The following FHIT variants were observed in gnomAD, a reference collection of about 807,000 sequenced individuals.
FHIT encodes the protein fragile histidine triad diadenosine triphosphatase, also known as bis(5'-adenosyl)-triphosphatase.
In FHIT, 19 loss-of-function variants were observed where a neutral mutation model predicts 17.9. That is an observed-to-expected ratio of 1.06 (90% CI 0.74 to 1.56). The LOEUF is 1.56. FHIT is among the 40% of genes most tolerant of loss of function. The pLI, the probability that FHIT is intolerant of heterozygous loss-of-function variation, is 0.00. For missense variants in FHIT, 248 were observed against 189.2 expected (o/e 1.31, Z -1.82); for synonymous variants, 81 against 69.7 (o/e 1.16, Z -0.81).
At chr3:60,595,536 T>TAC (rs1559567008) in intron 4 of FHIT, among the ~76,000 whole-genome samples, 1 of 150,720 alleles carries the variant, frequency 6.6e-6, no homozygotes, top group Admixed American at 6.6e-5. Context: ...CACACACATA[T>TAC]ATATGTGTGT....
At chr3:61,115,503 G>A (rs939350890) in intron 2 of FHIT, among the ~76,000 whole-genome samples, 4 of 152,034 alleles carry the variant, frequency 2.6e-5, no homozygotes, top group African/African-American at 9.7e-5. Flanking sequence ...GGTGACAGCA[G>A]GAAGGAAGGA....
At chr3:60,868,628 T>C (rs1704267031) in intron 3 of FHIT, among the ~76,000 whole-genome samples, 2 of 152,160 alleles carry the variant, frequency 1.3e-5, no homozygotes, top group Non-Finnish European at 2.9e-5. Context: ...TATACTCTCT[T>C]TGTAACATAT....
intron 8 of FHIT, among the ~76,000 whole-genome samples, chr3:59,835,604 C>T (rs533391384): frequency 3.9e-4 from 59 of 152,212 alleles, no homozygotes; most frequent in African/African-American, 1.4e-3. Context: ...TACCAAGAGG[C>T]AGTAAATGGA....
chr3:60,004,362 G>T (rs1699842223), intron 7 of FHIT, among the ~76,000 whole-genome samples: 1 of 152,106 alleles, frequency 6.6e-6, no homozygotes. Flanking sequence ...ATATGTCAGG[G>T]CCTCTAATTA....
rs1402838763 is a variant in FHIT, at chr3:60,860,078, G to C, written c.-110-38067C>G. Among the ~76,000 whole-genome samples the C allele has an allele frequency of 1.1e-4, 16 of 146,268 alleles. 2 individuals carry two copies. The highest frequency in any genetic ancestry group is 1.0e-3 in the Admixed American group (15 of 14,588). On this transcript the variant is annotated intron_variant, in intron 3 of 9. Coordinates refer to ENST00000492590, the MANE Select transcript of FHIT (RefSeq NM_002012.4). ...AAAGATACATATATATGATATATCT[G>C]ATATATGATATATATATGATATATC...
chr3:61,140,671 T>C (rs942664239), intron 2 of FHIT, among the ~76,000 whole-genome samples: 3 of 152,144 alleles, frequency 2.0e-5, no homozygotes, highest in South Asian at 4.1e-4. Context: ...CACTGGCCTC[T>C]TTCCTTATAT....
At chr3:60,221,679 T>A (rs369084378) in intron 5 of FHIT, among the ~76,000 whole-genome samples, 5 of 152,122 alleles carry the variant, frequency 3.3e-5, no homozygotes, top group African/African-American at 1.2e-4. Context: ...TCCCAGCTCA[T>A]AGTCATTCCA....
At chr3:60,663,880 GT>G (rs1257123799) in intron 4 of FHIT, among the ~76,000 whole-genome samples, 2 of 152,146 alleles carry the variant, frequency 1.3e-5, no homozygotes, top group African/African-American at 4.8e-5. Context: ...GAACTCACTT[GT>G]TCTAGGATTT....
At chr3:60,418,529 A>T (rs1016789337) in intron 5 of FHIT, among the ~76,000 whole-genome samples, 10 of 145,456 alleles carry the variant, frequency 6.9e-5, no homozygotes, top group Non-Finnish European at 4.5e-5. Context: ...CAGTTAACTG[A>T]AAGTCAACTA....
intron 5 of FHIT, among the ~76,000 whole-genome samples, chr3:60,219,620 G>A (rs561540134): frequency 6.6e-6 from 1 of 152,204 alleles, no homozygotes; most frequent in South Asian, 2.1e-4. Flanking sequence ...GACAGAATAT[G>A]TTTACTTTTG....
At chr3:60,257,473 C>T (rs1419875078) in intron 5 of FHIT, among the ~76,000 whole-genome samples, 1 of 152,196 alleles carries the variant, frequency 6.6e-6, no homozygotes, top group Non-Finnish European at 1.5e-5. Context: ...TCTTCCTCTG[C>T]TGATGCTACT....
At chr3:60,832,234 A>G (rs982892326) in intron 3 of FHIT, among the ~76,000 whole-genome samples, 6 of 150,420 alleles carry the variant, frequency 4.0e-5, no homozygotes, top group Non-Finnish European at 5.9e-5. Flanking sequence ...TTAGATAAAA[A>G]GAAAAAAAAA....
At chr3:60,320,231 T>C (rs556208917) in intron 5 of FHIT, among the ~76,000 whole-genome samples, 3 of 152,346 alleles carry the variant, frequency 2.0e-5, no homozygotes, top group Admixed American at 2.0e-4. Context: ...AATTTGTTTA[T>C]TCTTACATAA....
chr3:60,316,858 C>T (rs533666366), intron 5 of FHIT, among the ~76,000 whole-genome samples: 106 of 152,306 alleles, frequency 7.0e-4, no homozygotes, highest in African/African-American at 2.4e-3. Context: ...GGATTATACA[C>T]AGCAATGTAG....
At chr3:60,715,094 T>C (rs1238223764) in intron 4 of FHIT, among the ~76,000 whole-genome samples, 3 of 151,842 alleles carry the variant, frequency 2.0e-5, no homozygotes, top group Admixed American at 6.6e-5. Context: ...GAGATATAGA[T>C]CAATGGAACA....
At chr3:60,347,818 G>C (rs1710870046) in intron 5 of FHIT, among the ~76,000 whole-genome samples, 1 of 151,924 alleles carries the variant, frequency 6.6e-6, no homozygotes, top group African/African-American at 2.4e-5. Flanking sequence ...GAGTGCAATA[G>C]CACGATCTTG....
chr3:60,686,542 TA>T (rs1212560036), intron 4 of FHIT, among the ~76,000 whole-genome samples: 1 of 152,018 alleles, frequency 6.6e-6, no homozygotes, highest in Non-Finnish European at 1.5e-5. Flanking sequence ...GCTTTTTTTT[TA>T]ATCCTTTTTA....
At chr3:60,081,882 G>A (rs1703300360) in intron 5 of FHIT, among the ~76,000 whole-genome samples, 1 of 150,620 alleles carries the variant, frequency 6.6e-6, no homozygotes, top group Admixed American at 6.6e-5. Context: ...AAAGAAAGAG[G>A]AAGTACAATA....
chr3:60,873,149 G>C (rs538834223), intron 3 of FHIT, among the ~76,000 whole-genome samples: 2 of 151,810 alleles, frequency 1.3e-5, no homozygotes, highest in African/African-American at 4.8e-5. Flanking sequence ...GAGAGAGAGA[G>C]AGAGAGAGAG....
Sources: gnomAD v4.1 joint callset for allele counts (sites outside exome capture counted in the v4.1 genomes callset) on GRCh38, gnomAD v4.1.1 for gene constraint, MANE v1.5 for transcripts, NCBI Gene and HGNC (gene_info 2026-07-23, HGNC 2026-07-21) for gene names.